Variants in ADGRA1 observed in about 807,000 individuals in gnomAD.
ADGRA1 encodes G-protein coupled receptor 123.
In ADGRA1, 12 loss-of-function variants were observed where a neutral mutation model predicts 21.3. The observed-to-expected ratio is 0.56, with a 90% CI of 0.36 to 0.91. The LOEUF is 0.91. ADGRA1 is among the 40% of genes least tolerant of loss of function. ADGRA1 has a pLI of 0.01. For synonymous variants in ADGRA1, 385 were observed against 368.8 expected, an observed-to-expected ratio of 1.04 and a Z score of -0.50; for missense variants, 790 against 805.6, an observed-to-expected ratio of 0.98 and a Z score of 0.23.
In ADGRA1 at chr10:133,113,168, CCG is replaced by C. The variant is rs1852092970; in HGVS notation, c.401+10329_401+10330del. ...ACGTCGGTTATTTGAGGTCTGTAAG[CCG>C]CGTCGGTTATTTGAGGTCTGTAAGC... On this transcript the variant is annotated intron_variant, in intron 5 of 6. Coordinates refer to ENST00000392607, the MANE Select transcript of ADGRA1 (RefSeq NM_001083909.3). 1.2e-4 allele frequency among the ~76,000 whole-genome samples: 5 copies of C among 41,572 alleles called. No individual in the cohort carries two copies. In the South Asian group the frequency reaches 4.4e-3, roughly 36 times the overall value. 27.3% of individuals were successfully genotyped at this position (41,572 alleles called of 152,430 possible). A position where few individuals can be genotyped will look rare whatever the true frequency, so the allele number is the denominator to read the frequency against.
chr10:133,102,521 C>CTGGCGCAG (rs1265281355), intron 4 of ADGRA1, among the ~76,000 whole-genome samples, 176 bp from the exon 5 acceptor site: 1 of 152,234 alleles, frequency 6.6e-6, no homozygotes, highest in East Asian at 1.9e-4. Context: ...CTCTGCAGCT[C>CTGGCGCAG]AGCGTCTCCC....
intron 1 of ADGRA1, 44 bp from the exon 2 acceptor site, chr10:133,088,664 C>T: frequency 8.5e-7 from 1 of 1,183,056 alleles, no homozygotes; most frequent in Non-Finnish European, 1.1e-6. Flanking sequence ...CTGCCCTCCG[C>T]GGGGACCCTC....
intron 4 of ADGRA1, among the ~76,000 whole-genome samples, chr10:133,101,223 A>G (rs1320627837): frequency 6.6e-6 from 1 of 151,730 alleles, no homozygotes; most frequent in Non-Finnish European, 1.5e-5. Context: ...CCCTTGTCAC[A>G]CCCACCTTCC....
At chr10:133,127,395 C>T (rs963809271) in intron 6 of ADGRA1, 64 bp downstream of exon 6, 1 of 1,248,010 alleles carries the variant, frequency 8.0e-7, no homozygotes, top group Non-Finnish European at 1.1e-6. Flanking sequence ...TGAGGTCCCT[C>T]CCAGGCACCT....
chr10:133,093,396 G>A, intron 2 of ADGRA1: 2 of 1,106,982 alleles, frequency 1.8e-6, no homozygotes, highest in Non-Finnish European at 2.5e-6. Flanking sequence ...CAATTAAAAT[G>A]AGGGAAAACA....
intron 5 of ADGRA1, among the ~76,000 whole-genome samples, chr10:133,124,474 C>T (rs928413985): frequency 4.6e-5 from 7 of 152,232 alleles, no homozygotes; most frequent in East Asian, 1.9e-4. Flanking sequence ...GCGGAAATCA[C>T]GTAACCCGGA....
intron 5 of ADGRA1, among the ~76,000 whole-genome samples, chr10:133,105,636 G>T (rs1184802139): frequency 6.6e-6 from 1 of 152,236 alleles, no homozygotes; most frequent in South Asian, 2.1e-4. Context: ...TTCTGTGTGA[G>T]CAGGGGGGAT....
chr10:133,111,172 G>A (rs369220236), intron 5 of ADGRA1, among the ~76,000 whole-genome samples: 961 of 23,530 alleles, frequency 0.041, 248 homozygotes, highest in African/African-American at 0.22. Flanking sequence ...CCACCTGCCC[G>A]CCGTGAGCAC....
intron 5 of ADGRA1, among the ~76,000 whole-genome samples, chr10:133,122,791 G>A (rs931483057): frequency 1.5e-4 from 22 of 147,430 alleles, no homozygotes; most frequent in East Asian, 7.8e-4. Context: ...CTTTCCTCCC[G>A]GTTCACCAGC....
At chr10:133,126,380 C>G (rs1374749117) in intron 5 of ADGRA1, among the ~76,000 whole-genome samples, 2 of 152,258 alleles carry the variant, frequency 1.3e-5, no homozygotes, top group African/African-American at 4.8e-5. Context: ...GCCACCCCCT[C>G]CCACCACTGC....
intron 5 of ADGRA1, among the ~76,000 whole-genome samples, chr10:133,112,990 G>C (rs1283320384): frequency 1.5e-5 from 2 of 129,168 alleles, no homozygotes; most frequent in African/African-American, 6.1e-5. Context: ...CAGTTATTTG[G>C]GGTCTATAAG....
At chr10:133,106,198 A>T (rs927688783) in intron 5 of ADGRA1, among the ~76,000 whole-genome samples, 45 of 151,986 alleles carry the variant, frequency 3.0e-4, no homozygotes, top group African/African-American at 1.1e-3. Flanking sequence ...GAGCGGTAGG[A>T]CTGGAGCCTG....
At chr10:133,128,218 G>A in intron 6 of ADGRA1, 111 bp from the exon 7 acceptor site, 1 of 773,710 alleles carries the variant, frequency 1.3e-6, no homozygotes, top group Admixed American at 3.3e-5. Flanking sequence ...AGCCGCAGCT[G>A]TGCAAAGCCA....
chr10:133,113,306 C>T (rs1351185250), intron 5 of ADGRA1, among the ~76,000 whole-genome samples: 1 of 151,936 alleles, frequency 6.6e-6, no homozygotes, highest in Non-Finnish European at 1.5e-5. Context: ...CCAATGGCAC[C>T]GCGGCACTTA....
rs986926381 is a variant in ADGRA1 at position 133,102,726 on chromosome 10, G to A, written c.285G>A (p.Leu95=). The A allele has an allele frequency of 2.5e-6, 4 of 1,612,244 alleles. No homozygotes were observed. The highest frequency in any genetic ancestry group is 3.4e-6 in the Non-Finnish European group (4 of 1,179,552). The part of the protein sequence containing the change: ...AVGIVLHYST[L]STMLWIGVTA... ...GCATCGTGCTGCACTATTCTACACT[G>A]TCCACCATGCTGTGGATAGGAGTGA... The change falls in exon 5 of 7, where the codon CTG becomes CTA. Residue 95 remains leucine (L), a synonymous_variant. Coordinates refer to ENST00000392607, the MANE Select transcript of ADGRA1 (RefSeq NM_001083909.3).
At chr10:133,094,589 C>T (rs769175319) in intron 2 of ADGRA1, among the ~76,000 whole-genome samples, 14 of 152,292 alleles carry the variant, frequency 9.2e-5, no homozygotes, top group Middle Eastern at 3.4e-3. Context: ...CAGATGAGAA[C>T]GAAGTCCTTG....
chr10:133,097,865 G>A (rs1851715169), intron 3 of ADGRA1, among the ~76,000 whole-genome samples: 1 of 152,204 alleles, frequency 6.6e-6, no homozygotes. Context: ...GTCCCTGCCT[G>A]TGTCCCTGCA....
chr10:133,116,959 G>A (rs1196477261), intron 5 of ADGRA1, among the ~76,000 whole-genome samples: 5 of 152,126 alleles, frequency 3.3e-5, no homozygotes, highest in Admixed American at 2.0e-4. Context: ...CGATGGGGAC[G>A]CTTCTCACCA....
At chr10:133,099,064 G>A (rs1160324507) in intron 4 of ADGRA1, among the ~76,000 whole-genome samples, 1 of 151,680 alleles carries the variant, frequency 6.6e-6, no homozygotes, top group Non-Finnish European at 1.5e-5. Flanking sequence ...GTGCTGGGGG[G>A]ACACAGCCCG....
Sources: allele counts gnomAD v4.1 joint callset (sites outside exome capture counted in the v4.1 genomes callset), GRCh38; gene constraint gnomAD v4.1.1; transcripts MANE v1.5; gene names NCBI Gene and HGNC (gene_info 2026-07-23, HGNC 2026-07-21).